ZNF93: variants seen among roughly 807,000 people sequenced by gnomAD.
ZNF93 encodes the protein zinc finger protein 93.
Under a neutral mutation model 45.0 loss-of-function variants are expected in ZNF93, and 29 were observed. The observed-to-expected ratio is 0.64, with a 90% CI of 0.48 to 0.88. The LOEUF (loss-of-function observed/expected upper bound fraction) is 0.88. Among genes scored for constraint, ZNF93 ranks in the 40% least tolerant of loss-of-function variants. The probability of loss-of-function intolerance (pLI) is 0.00; values close to 1 mark genes in which losing one functional copy is unlikely to be tolerated. For synonymous variants in ZNF93, 223 were observed against 244.6 expected (o/e 0.91, Z 0.82); for missense variants, 578 against 724.0 (o/e 0.80, Z 2.31).
At chr19:19,923,073 C>G (rs1339409965) in intron 3 of ZNF93, among the ~76,000 whole-genome samples, 5 of 152,010 alleles carry the variant, frequency 3.3e-5, no homozygotes, top group Non-Finnish European at 5.9e-5. Flanking sequence ...TTTTATCTAC[C>G]TTTGGTCTTT....
intron 1 of ZNF93, among the ~76,000 whole-genome samples, chr19:19,902,048 A>G (rs1210663762): frequency 6.6e-6 from 1 of 152,126 alleles, no homozygotes; most frequent in Non-Finnish European, 1.5e-5. Flanking sequence ...AGAGCTTGCC[A>G]TTGTACTCCA....
chr19:19,907,407 A>G (rs1167393790), intron 1 of ZNF93, among the ~76,000 whole-genome samples: 2 of 152,244 alleles, frequency 1.3e-5, no homozygotes, highest in African/African-American at 2.4e-5. Context: ...TGCAAAAGCA[A>G]AAACAGTTCA....
chr19:19,923,470 G>A (rs2063347474), intron 3 of ZNF93, among the ~76,000 whole-genome samples: 1 of 152,182 alleles, frequency 6.6e-6, no homozygotes, highest in African/African-American at 2.4e-5. Flanking sequence ...CAAGCTGTCA[G>A]AGGTTTCTCC....
intron 1 of ZNF93, among the ~76,000 whole-genome samples, chr19:19,913,131 C>CA (rs769175024): frequency 2.5e-4 from 38 of 152,284 alleles, no homozygotes; most frequent in Admixed American, 6.5e-4. Flanking sequence ...GGAGCAACAT[C>CA]AGCATTGACA....
chr19:19,910,958 T>C (rs1332275010), intron 1 of ZNF93, among the ~76,000 whole-genome samples: 1 of 152,234 alleles, frequency 6.6e-6, no homozygotes, highest in Non-Finnish European at 1.5e-5. Flanking sequence ...ATCTTGTTCA[T>C]TGACCTGCTA....
At position 19,934,816 on chromosome 19, in the gene ZNF93, T is replaced by G; in HGVS notation, c.1861T>G (p.Ter621GluextTer19). Residue 621 changes from the stop codon to glutamate (E), a stop_lost, in exon 4 of 4, where the codon TAG becomes GAG. Coordinates refer to ENST00000343769, the MANE Select transcript of ZNF93 (RefSeq NM_031218.4). ...HEIIHTGEKP[*>E] ...GATAATTCATACTGGGGAGAAACCCTAGAAGTGTGAAGAATGTGGCAAAGC... is the reference window on the plus strand; with the variant it reads ...GATAATTCATACTGGGGAGAAACCCGAGAAGTGTGAAGAATGTGGCAAAGC... 1 of 1,592,056 alleles carries G rather than the reference T, an allele frequency of 6.3e-7. No individual in the cohort carries two copies. The highest frequency in any genetic ancestry group is 8.5e-7 in the Non-Finnish European group (1 of 1,170,622).
chr19:19,907,544 C>A (rs2063296264), intron 1 of ZNF93, among the ~76,000 whole-genome samples: 1 of 133,028 alleles, frequency 7.5e-6, no homozygotes, highest in African/African-American at 3.5e-5. Context: ...ACAGCATTTT[C>A]TTTTCTTTTT....
intron 3 of ZNF93, among the ~76,000 whole-genome samples, chr19:19,921,282 T>A (rs1407483754): frequency 6.6e-6 from 1 of 152,200 alleles, no homozygotes; most frequent in Non-Finnish European, 1.5e-5. Context: ...TGAGTTCTAG[T>A]TTGATTGCAC....
rs2063324938 is a variant in ZNF93 at position 19,916,614 on chromosome 19, C to A, written c.185C>A (p.Pro62His). ...LIAHLEQGKK[P>H]LTMKRHEMVA... ...GCCCATCTGGAGCAAGGAAAAAAACCTTTGACTATGAAGAGACATGAGATG... is the reference window on the plus strand; with the variant it reads ...GCCCATCTGGAGCAAGGAAAAAAACATTTGACTATGAAGAGACATGAGATG... The change falls in exon 3 of 4, where the codon CCT becomes CAT. Residue 62 changes from proline (P) to histidine (H), a missense_variant. Physicochemically the swap from Pro to His is moderately conservative, Grantham distance 77. This residue lies in a region of ZNF93 where 446 missense variants were observed against 547.6 expected (regional missense o/e 0.81). Coordinates refer to ENST00000343769, the MANE Select transcript of ZNF93 (RefSeq NM_031218.4). 3 of 1,611,924 alleles carry A rather than the reference C, an allele frequency of 1.9e-6. No individual in the cohort carries two copies. In the African/African-American group the frequency reaches 4.0e-5, roughly 22 times the overall value.
In ZNF93 at chr19:19,900,992, T is replaced by C. The variant is rs2063268424; in HGVS notation, c.-97T>C. The C allele has an allele frequency of 1.9e-6, 3 of 1,563,254 alleles. No individual in the cohort carries two copies. Among genetic ancestry groups the C allele is most frequent in the Non-Finnish European group, 1.8e-6 (2 of 1,135,598 alleles). On this transcript the variant is annotated 5_prime_UTR_variant, in exon 1 of 4. Transcript: ENST00000343769. ...TCCAGGTCTCCTCTTCACTACTCTG[T>C]GTCCTGTGCTCCTACAGGCCCAGCC...
At chr19:19,932,445 A>G (rs1438239426) in intron 3 of ZNF93, 1 of 152,046 alleles carries the variant, frequency 6.6e-6, no homozygotes, top group African/African-American at 2.4e-5. Context: ...TATCTCATCC[A>G]ATCTCTGTCT....
At chr19:19,928,769 C>T (rs556864653) in intron 3 of ZNF93, among the ~76,000 whole-genome samples, 1 of 152,338 alleles carries the variant, frequency 6.6e-6, no homozygotes, top group African/African-American at 2.4e-5. Flanking sequence ...ACCAATGGAT[C>T]TCCCAAAGTG....
At chr19:19,927,570 G>A (rs551879802) in intron 3 of ZNF93, among the ~76,000 whole-genome samples, 2 of 152,218 alleles carry the variant, frequency 1.3e-5, no homozygotes, top group East Asian at 1.9e-4. Context: ...GAATCATACA[G>A]TATCCATAAT....
At chr19:19,929,877 G>T (rs1317664169) in intron 3 of ZNF93, among the ~76,000 whole-genome samples, 2 of 137,790 alleles carry the variant, frequency 1.5e-5, no homozygotes, top group Admixed American at 1.6e-4. Flanking sequence ...GGCGGAGCTT[G>T]CAGTGAGCCG....
At chr19:19,906,471 T>G (rs1292678162) in intron 1 of ZNF93, among the ~76,000 whole-genome samples, 2 of 152,192 alleles carry the variant, frequency 1.3e-5, no homozygotes, top group Non-Finnish European at 2.9e-5. Context: ...AATGTTTTCC[T>G]TTATTTGGTA....
At chr19:19,914,693 A>T in intron 1 of ZNF93, 2 of 263,776 alleles carry the variant, frequency 7.6e-6, no homozygotes, top group Non-Finnish European at 7.3e-6. Context: ...TTTTCTATAT[A>T]GTTTTCTATG....
In ZNF93 at chr19:19,934,153, G is replaced by C. The variant is rs1430750055; in HGVS notation, c.1198G>C (p.Glu400Gln). ...TACTGGAGAGAAGCCCTACAAATGT[G>C]AAGAATGTGGCAAAGCCTTTAAGTA... ...VHTGEKPYKC[E>Q]ECGKAFKYSS... is the part of the protein sequence containing the mutation. Residue 400 changes from glutamate (E) to glutamine (Q), a missense_variant, in exon 4 of 4, where the codon GAA (glutamate) becomes CAA (glutamine). Physicochemically the swap from Glu to Gln is conservative, Grantham distance 29. Around this residue, in one of 3 missense-constraint regions of ZNF93, gnomAD observed 446 missense variants for 547.6 expected, o/e 0.81. Transcript: ENST00000343769. The C allele has an allele frequency of 2.5e-6, 4 of 1,611,164 alleles. No homozygotes were observed. The highest frequency in any genetic ancestry group is 3.4e-5 in the Admixed American group (2 of 58,752).
chr19:19,934,965 GC>G lies in ZNF93; in HGVS notation c.*150del. 1 of 882,506 alleles carries G rather than the reference GC, an allele frequency of 1.1e-6. No individual in the cohort carries two copies. Among genetic ancestry groups the G allele is most frequent in the Non-Finnish European group, 1.7e-6 (1 of 597,438 alleles). The allele number at this position is 882,506 out of a possible 1,614,324, so 54.7% of individuals were successfully genotyped here. A position where few individuals can be genotyped will look rare whatever the true frequency, so the allele number is the denominator to read the frequency against. On this transcript the variant is annotated 3_prime_UTR_variant, in exon 4 of 4. Transcript: ENST00000343769. The stretch of plus-strand genomic sequence containing the variant: ...CCATTTCGGAGACCTGGAGGAAGTG[GC>G]CCATTTACAGCCATGTAGGCAGGCC...
intron 2 of ZNF93, among the ~76,000 whole-genome samples, chr19:19,915,868 A>G (rs1042506355): frequency 7.9e-5 from 12 of 152,074 alleles, no homozygotes; most frequent in Non-Finnish European, 1.8e-4. Flanking sequence ...TTTCTTCAAG[A>G]TGTTTCATCT....
Sources: allele counts gnomAD v4.1 joint callset (sites outside exome capture counted in the v4.1 genomes callset), GRCh38; gene constraint gnomAD v4.1.1; regional missense constraint gnomAD v4.1.1; transcripts MANE v1.5; gene names NCBI Gene and HGNC (gene_info 2026-07-23, HGNC 2026-07-21).